Variants in INTS1 observed in about 807,000 individuals in gnomAD.
The protein encoded by INTS1 is integrator complex subunit 1.
Under a neutral mutation model 241.6 loss-of-function variants are expected in INTS1, and 137 were observed. The ratio of observed to expected loss-of-function variants is 0.57; its 90% CI spans 0.49 to 0.65. The LOEUF is 0.65. Among genes scored for constraint, INTS1 ranks in the 30% least tolerant of loss-of-function variants. The pLI is 0.00. For missense variants in INTS1, 3,073 were observed against 3,032.2 expected, an observed-to-expected ratio of 1.01 and a Z score of -0.32; for synonymous variants, 1,692 against 1,337.8, an observed-to-expected ratio of 1.26 and a Z score of -5.78.
At chr7:1,474,861 G>T in intron 39 of INTS1, 23 bp from the exon 40 acceptor site, 1 of 1,563,368 alleles carries the variant, frequency 6.4e-7, no homozygotes, top group Non-Finnish European at 8.7e-7. Context: ...GCGCTCTGAG[G>T]CCGGGGCCGC....
At chr7:1,483,953 A>T in intron 25 of INTS1, 50 bp downstream of exon 25, 1 of 1,590,360 alleles carries the variant, frequency 6.3e-7, no homozygotes, top group Non-Finnish European at 8.6e-7. Flanking sequence ...AGCCTCACCC[A>T]GCCGTAGACC....
Position 1,500,228 on chromosome 7 carries a change from C to G in INTS1, c.488G>C (p.Ser163Thr). ...RAKPDSTLYL[S>T]LMYLAKIKPN... ...CTTGATCTTGGCCAGGTACATGAGG[C>G]TCAGGTAGAGGGTGCTGTCAGGCTT... Residue 163 changes from serine to threonine, a missense_variant, in exon 4 of 48, where the codon AGC becomes ACC. Ser to Thr is a moderately conservative substitution (Grantham distance 58, BLOSUM62 1). Transcript: ENST00000404767. 6.2e-7 allele frequency: 1 copy of G among 1,605,518 alleles called. No individual in the cohort carries two copies. The highest frequency in any genetic ancestry group is 8.5e-7 in the Non-Finnish European group (1 of 1,175,260).
intron 43 of INTS1, 106 bp downstream of exon 43, chr7:1,472,966 C>T: frequency 1.5e-6 from 1 of 677,982 alleles, no homozygotes. Context: ...ACACAGCCCC[C>T]ATCGGGACGC....
intron 22 of INTS1, 65 bp from the exon 23 acceptor site, chr7:1,485,534 C>T (rs755524272): frequency 9.2e-6 from 14 of 1,516,720 alleles, no homozygotes; most frequent in South Asian, 2.4e-5. Context: ...ACCCTGGCCC[C>T]GGGAGCACAC....
chr7:1,493,799 G>A lies in INTS1; in HGVS notation c.2023C>T (p.Leu675Phe). The A allele has an allele frequency of 1.9e-6, 3 of 1,578,288 alleles. No individual in the cohort carries two copies. The highest frequency in any genetic ancestry group is 2.6e-6 in the Non-Finnish European group (3 of 1,163,368). ...LPLGPADAME[L>F]ADHLVKRAAA... ...GCCCGCTTCACCAGGTGGTCAGCAAGCTCCATGGCGTCCGCAGGCCCGAGC... is the reference window on the plus strand; with the variant it reads ...GCCCGCTTCACCAGGTGGTCAGCAAACTCCATGGCGTCCGCAGGCCCGAGC... The change falls in exon 15 of 48, where the codon CTT becomes TTT. Residue 675 changes from leucine to phenylalanine, a missense_variant. Transcript: ENST00000404767. The surrounding 1 kb of genome is among the most constrained non-coding windows in gnomAD (Gnocchi z 5.3).
intron 26 of INTS1, 51 bp from the exon 27 acceptor site, chr7:1,482,758 C>T: frequency 6.3e-7 from 1 of 1,591,566 alleles, no homozygotes; most frequent in Non-Finnish European, 8.6e-7. Context: ...GGGGCCCAGC[C>T]CCAAGCACCG....
chr7:1,482,940 G>A lies in INTS1; in HGVS notation c.3542-233C>T, dbSNP rs1378892908. ...AGGCAAGCAGCATCACTGCCATTTT[G>A]TCGTGGCCAAGGGGACATGTGCGTG... On this transcript the variant is annotated intron_variant, in intron 26 of 47. Transcript: ENST00000404767. 3 of 560,536 alleles carry A rather than the reference G, an allele frequency of 5.4e-6. No homozygotes were observed. In the Admixed American group the frequency reaches 9.8e-5, roughly 18 times the overall value. The allele number at this position is 560,536 out of a possible 1,614,324, so 34.7% of individuals were successfully genotyped here.
chr7:1,503,063 C>T lies in INTS1; in HGVS notation c.187G>A (p.Ala63Thr). The change falls in exon 3 of 48, where the codon GCC becomes ACC. Residue 63 changes from alanine (A) to threonine (T), a missense_variant. By Grantham distance (58) the Ala-to-Thr change is moderately conservative. Transcript: ENST00000404767. ...LPSERKRDAA[A>T]ALSSASALTG... ...AGGGCCGAGGCACTGGACAACGCGG[C>T]CGCCGCATCCCGCTTGCGCTCAGAA... is the stretch of plus-strand genomic sequence containing the variant. The T allele has an allele frequency of 6.2e-7, 1 of 1,613,018 alleles. No individual in the cohort carries two copies. Among genetic ancestry groups the T allele is most frequent in the Non-Finnish European group, 8.5e-7 (1 of 1,179,366 alleles).
Position 1,481,401 on chromosome 7 carries a change from A to G in INTS1, c.3791T>C (p.Phe1264Ser). The G allele has an allele frequency of 6.2e-7, 1 of 1,612,936 alleles. No homozygotes were observed. The highest frequency in any genetic ancestry group is 1.1e-5 in the South Asian group (1 of 91,078). ...PVSSMSKLLQ[F>S]LDQAVAHDPQ... ...GTCGTGGGCCACTGCCTGGTCCAGG[A>G]ACTGGAGGAGTTTGCTCATGCTGGA... is the stretch of plus-strand genomic sequence containing the variant. Residue 1264 changes from phenylalanine (F) to serine (S), a missense_variant, in exon 28 of 48, where the codon TTC (phenylalanine) becomes TCC (serine). Physicochemically the swap from Phe to Ser is radical, Grantham distance 155 (BLOSUM62 -2). Transcript: ENST00000404767. The surrounding 1 kb of genome is among the most constrained non-coding windows in gnomAD (Gnocchi z 6.8).
rs532575447 is a variant in INTS1, at chr7:1,482,467, C to T, written c.3703+79G>A. 6.7e-5 allele frequency: 97 copies of T among 1,442,982 alleles called. No individual in the cohort carries two copies. In the Admixed American group the frequency reaches 1.0e-3, roughly 16 times the overall value. 89.4% of individuals were successfully genotyped at this position (1,442,982 alleles called of 1,614,324 possible). ...TCTCCTCTGCCACAGCCGGAGGCTG[C>T]CCAGGCCCACAAGGAGCAGGCAAGG... On this transcript the variant is annotated intron_variant, in intron 27 of 47. Transcript: ENST00000404767.
At chr7:1,490,738 G>A (rs890427678) in intron 16 of INTS1, among the ~76,000 whole-genome samples, 3 of 152,182 alleles carry the variant, frequency 2.0e-5, no homozygotes, top group East Asian at 1.9e-4. Flanking sequence ...TGAAATTCAC[G>A]TGGAAATGAA....
chr7:1,500,281 G>A lies in INTS1; in HGVS notation c.435C>T (p.Ala145=), dbSNP rs373074294. 2.3e-5 allele frequency: 37 copies of A among 1,597,116 alleles called. No individual in the cohort carries two copies. The highest frequency in any genetic ancestry group is 1.7e-4 in the Middle Eastern group (1 of 6,036). Residue 145 remains alanine, a synonymous_variant, in exon 4 of 48, where the codon GCC becomes GCT. Coordinates refer to ENST00000404767, the MANE Select transcript of INTS1 (RefSeq NM_001080453.3). ...CGCGGGTGACCTTCAGCTGCTTCAC[G>A]GCCCCGCACAGCACGCCCTCGATCC... ...DDRIEGVLCG[A]VKQLKVTRAK... is the part of the protein sequence containing the mutation.
intron 27 of INTS1, chr7:1,482,283 G>A (rs987586649): frequency 4.6e-5 from 17 of 367,496 alleles, no homozygotes; most frequent in Non-Finnish European, 2.9e-5. Flanking sequence ...TTTTTCCATC[G>A]AGGACCTGTT....
chr7:1,479,674 A>G lies in INTS1; in HGVS notation c.4085T>C (p.Leu1362Pro), dbSNP rs1357104539. ...GCTCTGCCACCGAGGGTCCGGGCTG[A>G]GCGGGAAAATCTGGAACGGGGAAGG... The part of the protein sequence containing the change: ...LAGMFLQIFP[L>P]SPDPRWQSSS... Residue 1362 changes from leucine (L) to proline (P), a missense_variant, in exon 31 of 48, where the codon CTC becomes CCC. Leu to Pro is a moderately conservative substitution (Grantham distance 98). Coordinates refer to ENST00000404767, the MANE Select transcript of INTS1 (RefSeq NM_001080453.3). 2.0e-6 allele frequency: 3 copies of G among 1,468,628 alleles called. No homozygotes were observed. The highest frequency in any genetic ancestry group is 2.5e-5 in the East Asian group (1 of 39,428). 91.0% of individuals were successfully genotyped at this position (1,468,628 alleles called of 1,614,324 possible). A position where few individuals can be genotyped will look rare whatever the true frequency, so the allele number is the denominator to read the frequency against.
intron 11 of INTS1, 144 bp downstream of exon 11, chr7:1,496,994 C>T (rs6976875): frequency 2.4e-6 from 2 of 836,294 alleles, no homozygotes; most frequent in East Asian, 2.7e-5. Context: ...GACGCGTCAC[C>T]GCAAACAGCC....
At chr7:1,504,133 G>C in intron 1 of INTS1, 132 bp from the exon 2 acceptor site, 1 of 559,026 alleles carries the variant, frequency 1.8e-6, no homozygotes, top group Non-Finnish European at 3.1e-6. Context: ...GCGGGGCGAT[G>C]CTGCAGGAGC....
chr7:1,470,540 C>A lies in INTS1; in HGVS notation c.*37G>T, dbSNP rs937598373. The A allele has an allele frequency of 6.9e-7, 1 of 1,452,296 alleles. No individual in the cohort carries two copies. The highest frequency in any genetic ancestry group is 2.5e-5 in the East Asian group (1 of 40,166). The allele number at this position is 1,452,296 out of a possible 1,614,324, so 90.0% of individuals were successfully genotyped here. ...GCCTCGAGGATCCCCGGGGACGGGA[C>A]GGGCCGGGGCTTGGAGGGGGGTCGG... is the stretch of plus-strand genomic sequence containing the variant. On this transcript the variant is annotated 3_prime_UTR_variant, in exon 48 of 48. Transcript: ENST00000404767.
At position 1,487,447 on chromosome 7, in the gene INTS1, C is replaced by T; in HGVS notation, c.2519G>A (p.Gly840Glu). 6.2e-7 allele frequency: 1 copy of T among 1,610,734 alleles called. No individual in the cohort carries two copies. The highest frequency in any genetic ancestry group is 8.5e-7 in the Non-Finnish European group (1 of 1,179,300). The change falls in exon 20 of 48, where the codon GGG becomes GAG. Residue 840 changes from glycine to glutamate, a missense_variant and splice_region_variant. Coordinates refer to ENST00000404767, the MANE Select transcript of INTS1 (RefSeq NM_001080453.3). ...LSQLTSLDPQ[G>E]PPRRPPPHIL... ...GTGAGGGGGAGGCCTCCGGGGGGGCCCCCTGAGGGCCACAGGGGACACGGT... is the reference window on the plus strand; with the variant it reads ...GTGAGGGGGAGGCCTCCGGGGGGGCTCCCTGAGGGCCACAGGGGACACGGT...
chr7:1,484,291 G>A, intron 24 of INTS1, 121 bp from the exon 25 acceptor site: 1 of 1,063,800 alleles, frequency 9.4e-7, no homozygotes, highest in Non-Finnish European at 1.3e-6. Context: ...CGGCACCGCA[G>A]ACCCTCACTC....
Sources: gnomAD v4.1 joint callset for allele counts (sites outside exome capture counted in the v4.1 genomes callset) on GRCh38, gnomAD v4.1.1 for gene constraint, Gnocchi (gnomAD v3.1) non-coding constraint, MANE v1.5 for transcripts, NCBI Gene and HGNC (gene_info 2026-07-23, HGNC 2026-07-21) for gene names.